CLSTN2: variants seen among roughly 807,000 people sequenced by gnomAD.
CLSTN2 encodes the protein calsyntenin-2.
CLSTN2 carries 48 observed loss-of-function variants against 101.2 expected under a neutral mutation model. The observed-to-expected ratio is 0.47, with a 90% CI of 0.38 to 0.60. The LOEUF is 0.60. Ranked by LOEUF, CLSTN2 falls within the 20% of genes least tolerant of loss-of-function variation. The pLI, the probability that CLSTN2 is intolerant of heterozygous loss-of-function variation, is 0.00. For missense variants in CLSTN2, 1,160 were observed against 1,238.2 expected (o/e 0.94, Z 0.95); for synonymous variants, 481 against 463.6 (o/e 1.04, Z -0.48).
At chr3:140,095,987 T>C (rs184647452) in intron 1 of CLSTN2, among the ~76,000 whole-genome samples, 64 of 152,302 alleles carry the variant, frequency 4.2e-4, no homozygotes, top group African/African-American at 1.5e-3. Flanking sequence ...TCCTAGGAGA[T>C]AAAGCACAAT....
intron 8 of CLSTN2, among the ~76,000 whole-genome samples, chr3:140,519,675 C>T (rs1043179492): frequency 2.6e-5 from 4 of 151,924 alleles, no homozygotes; most frequent in Admixed American, 2.0e-4. Context: ...AAATTTTCCT[C>T]CATTCCTTTG....
chr3:140,208,946 C>T (rs2010819437), intron 2 of CLSTN2, among the ~76,000 whole-genome samples: 1 of 152,192 alleles, frequency 6.6e-6, no homozygotes, highest in African/African-American at 2.4e-5. Context: ...CCTTCACTGT[C>T]TGGCTATTTC....
At chr3:140,332,638 T>C (rs1163021521) in intron 2 of CLSTN2, among the ~76,000 whole-genome samples, 1 of 151,934 alleles carries the variant, frequency 6.6e-6, no homozygotes, top group Non-Finnish European at 1.5e-5. Flanking sequence ...GTTCAGAGCC[T>C]ATGAATAACT....
At chr3:140,431,953 A>G (rs560264990) in intron 5 of CLSTN2, among the ~76,000 whole-genome samples, 33 of 152,360 alleles carry the variant, frequency 2.2e-4, no homozygotes, top group African/African-American at 7.7e-4. Context: ...TTAAATCCCT[A>G]TGCAAATGAA....
intron 1 of CLSTN2, among the ~76,000 whole-genome samples, chr3:140,038,730 T>C (rs532115654): frequency 1.3e-5 from 2 of 152,332 alleles, no homozygotes; most frequent in Non-Finnish European, 2.9e-5. Flanking sequence ...AATTGACTTA[T>C]CTTAGTTTCT....
intron 1 of CLSTN2, among the ~76,000 whole-genome samples, chr3:140,020,449 A>G (rs1444994321): frequency 3.3e-5 from 5 of 152,192 alleles, no homozygotes; most frequent in African/African-American, 1.2e-4. Context: ...ACCATCATGC[A>G]TCTCGTCTTA....
intron 2 of CLSTN2, among the ~76,000 whole-genome samples, chr3:140,248,443 A>G (rs1333942936): frequency 6.6e-6 from 1 of 152,178 alleles, no homozygotes; most frequent in Non-Finnish European, 1.5e-5. Flanking sequence ...CTTCTTCTCC[A>G]TTGGCCTGTG....
intron 1 of CLSTN2, among the ~76,000 whole-genome samples, chr3:140,157,431 T>G (rs1254096657): frequency 6.6e-6 from 1 of 152,232 alleles, no homozygotes; most frequent in Non-Finnish European, 1.5e-5. Flanking sequence ...GTTATTGATC[T>G]GTTCAGGTTT....
intron 5 of CLSTN2, among the ~76,000 whole-genome samples, chr3:140,428,828 T>C (rs970026744): frequency 3.9e-5 from 6 of 152,218 alleles, no homozygotes; most frequent in African/African-American, 1.2e-4. Flanking sequence ...CACTGTGTCT[T>C]CCACCATCCC....
intron 2 of CLSTN2, among the ~76,000 whole-genome samples, chr3:140,325,330 G>A (rs573699613): frequency 7.9e-5 from 12 of 152,218 alleles, no homozygotes; most frequent in South Asian, 4.2e-4. Context: ...GTGGGCTTCC[G>A]GGGTTCTTCC....
chr3:140,076,332 T>C (rs1455479616), intron 1 of CLSTN2, among the ~76,000 whole-genome samples: 2 of 152,214 alleles, frequency 1.3e-5, no homozygotes, highest in Admixed American at 6.5e-5. Context: ...GGCTGTTTCC[T>C]CACCTGCTTT....
At chr3:140,446,480 G>A (rs6439919) in intron 5 of CLSTN2, among the ~76,000 whole-genome samples, 74,483 of 152,004 alleles carry the variant, frequency 0.49, 20,483 homozygotes, top group African/African-American at 0.75. Flanking sequence ...AGATTGCAAA[G>A]GTACCTGAAA....
At chr3:140,311,989 T>C (rs1413713618) in intron 2 of CLSTN2, among the ~76,000 whole-genome samples, 2 of 152,256 alleles carry the variant, frequency 1.3e-5, no homozygotes, top group African/African-American at 2.4e-5. Context: ...TTAGAGTCAC[T>C]TAATTAGAGG....
chr3:140,441,483 A>G (rs573794056), intron 5 of CLSTN2, among the ~76,000 whole-genome samples: 1 of 152,338 alleles, frequency 6.6e-6, no homozygotes, highest in African/African-American at 2.4e-5. Context: ...GAACATCCCC[A>G]TGAGATGTAG....
intron 8 of CLSTN2, among the ~76,000 whole-genome samples, chr3:140,509,637 G>A (rs929592399): frequency 8.8e-5 from 12 of 135,982 alleles, no homozygotes; most frequent in Admixed American, 2.3e-4. Context: ...ACATTTCCCT[G>A]AGTAATAGTG....
intron 1 of CLSTN2, among the ~76,000 whole-genome samples, chr3:140,127,743 C>T (rs1370141963): frequency 3.3e-5 from 5 of 152,024 alleles, no homozygotes; most frequent in Non-Finnish European, 7.4e-5. Flanking sequence ...TAGGACTGGC[C>T]TCATGGGGTT....
chr3:140,557,474 G>A (rs932095217), intron 11 of CLSTN2, among the ~76,000 whole-genome samples: 50 of 152,308 alleles, frequency 3.3e-4, no homozygotes, highest in African/African-American at 8.7e-4. Flanking sequence ...CCTCCAGGTC[G>A]TTGCCACATT....
intron 4 of CLSTN2, among the ~76,000 whole-genome samples, chr3:140,415,507 A>AAAAAAAAAAAAAAAAAAT (rs2088421862): frequency 6.8e-6 from 1 of 147,944 alleles, no homozygotes; most frequent in African/African-American, 2.5e-5. Context: ...AAAAAAAAAA[A>AAAAAAAAAAAAAAAAAAT]AAACAAACTG....
rs58210752 is a variant in CLSTN2, at chr3:140,058,028, C to T, written c.110-117923C>T. ...TTATTAGTAGAACATGGATGATGAACGGTCCATTTCATTAGTAACCTGAAA... is the reference window on the plus strand; with the variant it reads ...TTATTAGTAGAACATGGATGATGAATGGTCCATTTCATTAGTAACCTGAAA... On this transcript the variant is annotated intron_variant, in intron 1 of 16. Coordinates refer to ENST00000458420, the MANE Select transcript of CLSTN2 (RefSeq NM_022131.3). Among the ~76,000 whole-genome samples the T allele has an allele frequency of 2.4e-3, 367 of 152,086 alleles. 3 individuals are homozygous for T. Among genetic ancestry groups the T allele is most frequent in the African/African-American group, 8.5e-3 (353 of 41,482 alleles).
Sources: gnomAD v4.1 joint callset for allele counts (sites outside exome capture counted in the v4.1 genomes callset) on GRCh38, gnomAD v4.1.1 for gene constraint, MANE v1.5 for transcripts, NCBI Gene and HGNC (gene_info 2026-07-23, HGNC 2026-07-21) for gene names.